Variants in ARRB1 observed in about 807,000 individuals in gnomAD.
ARRB1 encodes the protein beta-arrestin-1.
Under a neutral mutation model 56.8 loss-of-function variants are expected in ARRB1, and 21 were observed. The observed-to-expected ratio is 0.37, with a 90% CI of 0.26 to 0.53. The LOEUF is 0.53. Ranked by LOEUF, ARRB1 falls within the 20% of genes least tolerant of loss-of-function variation. The pLI, the probability that ARRB1 is intolerant of heterozygous loss-of-function variation, is 0.88. For synonymous variants in ARRB1, 210 were observed against 218.6 expected, an observed-to-expected ratio of 0.96 and a Z score of 0.35; for missense variants, 424 against 553.7, an observed-to-expected ratio of 0.77 and a Z score of 2.35.
chr11:75,284,183 G>T, intron 4 of ARRB1, 52 bp downstream of exon 4: 2 of 1,556,782 alleles, frequency 1.3e-6, no homozygotes, highest in South Asian at 1.2e-5. Flanking sequence ...TAGAGGTCCG[G>T]GGGGAAGAGG....
At chr11:75,332,170 C>A (rs1219874618) in intron 1 of ARRB1, among the ~76,000 whole-genome samples, 2 of 151,992 alleles carry the variant, frequency 1.3e-5, no homozygotes, top group African/African-American at 4.8e-5. Flanking sequence ...CTCAGTCTAC[C>A]TGCACCCAGG....
chr11:75,276,250 T>C (rs1946198926), intron 10 of ARRB1, among the ~76,000 whole-genome samples: 1 of 152,256 alleles, frequency 6.6e-6, no homozygotes, highest in African/African-American at 2.4e-5. Context: ...TGGGAGCATT[T>C]ACTTCCTTTA....
chr11:75,265,374 C>G lies in ARRB1; in HGVS notation c.*789G>C, dbSNP rs1420427259. The G allele has an allele frequency of 6.6e-6, 1 of 152,334 alleles. No homozygotes were observed. Among genetic ancestry groups the G allele is most frequent in the Non-Finnish European group, 1.5e-5 (1 of 68,144 alleles). 9.4% of individuals were successfully genotyped at this position (152,334 alleles called of 1,614,324 possible). A position where few individuals can be genotyped will look rare whatever the true frequency, so the allele number is the denominator to read the frequency against. Reference sequence around the variant, plus strand: ...GTGCTTGCTGAAGACCCCCTCCCTCCCTCCCTCTGCTTTTCTCTCTGTGCA... The same window carrying G: ...GTGCTTGCTGAAGACCCCCTCCCTCGCTCCCTCTGCTTTTCTCTCTGTGCA... On this transcript the variant is annotated 3_prime_UTR_variant, in exon 16 of 16. Transcript: ENST00000420843.
intron 1 of ARRB1, among the ~76,000 whole-genome samples, chr11:75,308,506 G>A (rs1235329880): frequency 6.6e-6 from 1 of 152,224 alleles, no homozygotes; most frequent in Admixed American, 6.5e-5. Context: ...AGCACTTTGG[G>A]AAGCCAAGGC....
At chr11:75,302,064 A>G (rs1946917220) in intron 1 of ARRB1, among the ~76,000 whole-genome samples, 1 of 152,178 alleles carries the variant, frequency 6.6e-6, no homozygotes, top group Admixed American at 6.5e-5. Context: ...TAGTGTGCCC[A>G]GAGTCAGACT....
At position 75,268,944 on chromosome 11, in the gene ARRB1, T is replaced by G; in HGVS notation, c.1038A>C (p.Glu346Asp). 2.5e-6 allele frequency: 4 copies of G among 1,610,130 alleles called. No homozygotes were observed. Among genetic ancestry groups the G allele is most frequent in the Non-Finnish European group, 3.4e-6 (4 of 1,178,962 alleles). The part of the protein sequence containing the change: ...GDLASSDVAV[E>D]LPFTLMHPKP... ...TGGGGTGCATTAGGGTGAAGGGCAG[T>G]TCCACGGCCACGTCGCTGAAACAGA... The change falls in exon 14 of 16, where the codon GAA becomes GAC. Residue 346 changes from glutamate (E) to aspartate (D), a missense_variant. Glu to Asp is a conservative substitution (Grantham distance 45, BLOSUM62 2). Around this residue, in one of 3 missense-constraint regions of ARRB1, gnomAD observed 121 missense variants for 147.3 expected, o/e 0.82. Transcript: ENST00000420843.
chr11:75,283,007 T>G (rs1469526298), intron 5 of ARRB1, among the ~76,000 whole-genome samples: 1 of 152,192 alleles, frequency 6.6e-6, no homozygotes, highest in Non-Finnish European at 1.5e-5. Flanking sequence ...AAGGGCTCTT[T>G]CTTTCTCTGA....
chr11:75,298,658 A>G (rs963315846), intron 1 of ARRB1, among the ~76,000 whole-genome samples: 1 of 152,242 alleles, frequency 6.6e-6, no homozygotes, highest in Non-Finnish European at 1.5e-5. Flanking sequence ...GAGAGTTAAC[A>G]TATGACCCAG....
chr11:75,288,768 A>C (rs1397390106), intron 2 of ARRB1, among the ~76,000 whole-genome samples: 1 of 152,098 alleles, frequency 6.6e-6, no homozygotes, highest in Non-Finnish European at 1.5e-5. Flanking sequence ...GGCATGCACC[A>C]CCACGCCTAG....
rs949243336 is a variant in ARRB1, at chr11:75,267,653, T to C, written c.1144A>G (p.Asn382Asp). 4 of 1,605,454 alleles carry C rather than the reference T, an allele frequency of 2.5e-6. No homozygotes were observed. The highest frequency in any genetic ancestry group is 1.7e-6 in the Non-Finnish European group (2 of 1,175,746). Residue 382 changes from asparagine (N) to aspartate (D), a missense_variant and splice_region_variant, in exon 15 of 16, where the codon AAT (asparagine) becomes GAT (aspartate). Physicochemically the swap from Asn to Asp is conservative, Grantham distance 23. Around this residue, in one of 3 missense-constraint regions of ARRB1, gnomAD observed 121 missense variants for 147.3 expected, o/e 0.82. Transcript: ENST00000420843. ...VDTNLIELDT[N>D]DDDIVFEDFA... is the part of the protein sequence containing the mutation. ...GTCTGCAGGCAGGGTTCAGCTTACT[T>C]TGTGTCAAGTTCTATGAGATTGGTA...
In ARRB1 at chr11:75,281,513, T is replaced by C. The variant is rs76718999; in HGVS notation, c.415-371A>G. ...CCCTGGGTGGCTTATCCGGTATTCC[T>C]CTAACAAGACAAGGAGGCACGTGCT... On this transcript the variant is annotated intron_variant, in intron 6 of 15. Coordinates refer to ENST00000420843, the MANE Select transcript of ARRB1 (RefSeq NM_004041.5). 231 of 335,066 alleles carry C rather than the reference T, an allele frequency of 6.9e-4. 1 individual carries two copies. Among genetic ancestry groups the C allele is most frequent in the Non-Finnish European group, 1.1e-3 (204 of 181,458 alleles). The allele number at this position is 335,066 out of a possible 1,614,324, so 20.8% of individuals were successfully genotyped here. A position where few individuals can be genotyped will look rare whatever the true frequency, so the allele number is the denominator to read the frequency against.
At chr11:75,327,996 G>A (rs971319126) in intron 1 of ARRB1, among the ~76,000 whole-genome samples, 28 of 152,280 alleles carry the variant, frequency 1.8e-4, no homozygotes, top group African/African-American at 4.8e-4. Flanking sequence ...GTGGCATTTA[G>A]TCCATTCACA....
At chr11:75,334,386 C>G (rs920920262) in intron 1 of ARRB1, among the ~76,000 whole-genome samples, 4 of 151,972 alleles carry the variant, frequency 2.6e-5, no homozygotes, top group African/African-American at 9.7e-5. Flanking sequence ...AGTTTATAAC[C>G]ACTTTCACCC....
chr11:75,344,405 C>T (rs992992791), intron 1 of ARRB1, among the ~76,000 whole-genome samples: 3 of 152,188 alleles, frequency 2.0e-5, no homozygotes, highest in Admixed American at 6.5e-5. Context: ...AGAGAGGGTG[C>T]ATGTCATGCC....
Position 75,266,011 on chromosome 11 carries a change from G to A in ARRB1, c.*152C>T. The stretch of plus-strand genomic sequence containing the variant: ...TGATGTGGGGCCAATCCTGAGGCCA[G>A]AGGTTCATCACCGTGATCTGGAAGC... On this transcript the variant is annotated 3_prime_UTR_variant, in exon 16 of 16. Coordinates refer to ENST00000420843, the MANE Select transcript of ARRB1 (RefSeq NM_004041.5). The A allele has an allele frequency of 1.5e-6, 1 of 648,028 alleles. No homozygotes were observed. The highest frequency in any genetic ancestry group is 2.8e-6 in the Non-Finnish European group (1 of 363,418). The allele number at this position is 648,028 out of a possible 1,614,324, so 40.1% of individuals were successfully genotyped here.
intron 1 of ARRB1, among the ~76,000 whole-genome samples, chr11:75,327,516 A>G (rs1947458862): frequency 6.6e-6 from 1 of 151,758 alleles, no homozygotes; most frequent in Non-Finnish European, 1.5e-5. Flanking sequence ...CTGTAATCCC[A>G]GCATTTTAGG....
At chr11:75,321,769 G>C (rs1165845780) in intron 1 of ARRB1, among the ~76,000 whole-genome samples, 2 of 152,190 alleles carry the variant, frequency 1.3e-5, no homozygotes, top group Admixed American at 6.5e-5. Flanking sequence ...ATACACATTA[G>C]ATCTTCTTAT....
chr11:75,340,279 G>A (rs1270064718), intron 1 of ARRB1, among the ~76,000 whole-genome samples: 1 of 152,240 alleles, frequency 6.6e-6, no homozygotes, highest in Non-Finnish European at 1.5e-5. Flanking sequence ...AGTTGGAGGG[G>A]ACAATGCTCA....
intron 1 of ARRB1, among the ~76,000 whole-genome samples, chr11:75,339,123 C>T (rs1947658263): frequency 6.6e-6 from 1 of 152,256 alleles, no homozygotes; most frequent in African/African-American, 2.4e-5. Flanking sequence ...CCCTGGCTGC[C>T]AGCCCCAAAG....
Sources: allele counts gnomAD v4.1 joint callset (sites outside exome capture counted in the v4.1 genomes callset), GRCh38; gene constraint gnomAD v4.1.1; regional missense constraint gnomAD v4.1.1; transcripts MANE v1.5; gene names NCBI Gene and HGNC (gene_info 2026-07-23, HGNC 2026-07-21).